Variants in THRB observed in about 807,000 individuals in gnomAD.
The protein encoded by THRB is nuclear receptor subfamily 1 group A member 2.
A neutral mutation model predicts 47.8 loss-of-function variants in THRB; 12 were observed. The ratio of observed to expected loss-of-function variants is 0.25; its 90% CI spans 0.16 to 0.41. The LOEUF (loss-of-function observed/expected upper bound fraction) is 0.41. Among genes scored for constraint, THRB ranks in the 10% least tolerant of loss-of-function variants. THRB has a pLI of 1.00. For missense variants in THRB, 348 were observed against 589.2 expected (o/e 0.59, Z 4.24); for synonymous variants, 218 against 212.2 (o/e 1.03, Z -0.24).
chr3:24,435,013 A>G (rs1481201052), intron 1 of THRB, among the ~76,000 whole-genome samples: 3 of 152,204 alleles, frequency 2.0e-5, no homozygotes, highest in African/African-American at 7.2e-5. Context: ...TGGTAGAGGT[A>G]TCCAGTATGT....
intron 5 of THRB, among the ~76,000 whole-genome samples, chr3:24,175,938 T>G (rs1467622212): frequency 2.0e-5 from 3 of 152,198 alleles, no homozygotes; most frequent in Non-Finnish European, 4.4e-5. Flanking sequence ...CAAGTTACTA[T>G]TCTAGAAATC....
intron 5 of THRB, among the ~76,000 whole-genome samples, chr3:24,172,174 C>T (rs1302396958): frequency 2.0e-5 from 3 of 152,110 alleles, no homozygotes; most frequent in Non-Finnish European, 2.9e-5. Context: ...AAAACCTAGT[C>T]ATCTGCTCTG....
At position 24,471,873 on chromosome 3, in the gene THRB, G is replaced by A. The variant is rs573224689; in HGVS notation, c.-261+22779C>T. On this transcript the variant is annotated intron_variant, in intron 1 of 10. Coordinates refer to ENST00000646209, the MANE Select transcript of THRB (RefSeq NM_001354712.2). The stretch of plus-strand genomic sequence containing the variant: ...AAGCCAGAAACAATCCTTATGAGTA[G>A]GGAAGCTATGGATATTCTTCTGAGG... Among the ~76,000 whole-genome samples the A allele has an allele frequency of 2.6e-5, 4 of 152,282 alleles. No homozygotes were observed. In the South Asian group the frequency reaches 6.2e-4, roughly 24 times the overall value.
At chr3:24,230,990 A>G (rs969538708) in intron 3 of THRB, among the ~76,000 whole-genome samples, 2 of 152,232 alleles carry the variant, frequency 1.3e-5, no homozygotes, top group African/African-American at 4.8e-5. Context: ...TGACATTCAC[A>G]GACAGCCTGA....
At chr3:24,407,634 G>C (rs889314239) in intron 1 of THRB, among the ~76,000 whole-genome samples, 1 of 151,794 alleles carries the variant, frequency 6.6e-6, no homozygotes, top group Non-Finnish European at 1.5e-5. Context: ...TATGAATCTA[G>C]ACCCTCTTAC....
chr3:24,481,080 T>C (rs554702056), intron 1 of THRB, among the ~76,000 whole-genome samples: 1 of 152,310 alleles, frequency 6.6e-6, no homozygotes, highest in South Asian at 2.1e-4. Flanking sequence ...TTAAGCAAGT[T>C]TCCTTACAAA....
upstream of THRB, chr3:24,495,682 A>G (rs900445166): frequency 1.2e-4 from 18 of 152,112 alleles, no homozygotes; most frequent in Non-Finnish European, 2.5e-4. Context: ...GTCTTCCAGG[A>G]GCACGTCTCG....
At chr3:24,451,002 T>A (rs1194920486) in intron 1 of THRB, among the ~76,000 whole-genome samples, 1 of 152,180 alleles carries the variant, frequency 6.6e-6, no homozygotes, top group Non-Finnish European at 1.5e-5. Flanking sequence ...GTAAATAATA[T>A]AACTTTTAAA....
chr3:24,413,746 G>A (rs1489714049), intron 1 of THRB, among the ~76,000 whole-genome samples: 1 of 151,648 alleles, frequency 6.6e-6, no homozygotes, highest in African/African-American at 2.4e-5. Flanking sequence ...GCCCCAGTGT[G>A]TGATGTTCCC....
intron 2 of THRB, among the ~76,000 whole-genome samples, chr3:24,336,994 C>T (rs572301815): frequency 1.3e-5 from 2 of 152,208 alleles, no homozygotes; most frequent in South Asian, 4.1e-4. Flanking sequence ...AAGGAAAAGA[C>T]ACATGGGAAA....
intron 3 of THRB, among the ~76,000 whole-genome samples, chr3:24,238,300 G>GGTGTATGT (rs2049121407): frequency 5.6e-5 from 7 of 125,764 alleles, no homozygotes; most frequent in Non-Finnish European, 1.2e-4. Context: ...GGGTGTGTGG[G>GGTGTATGT]GTGTGTGTGT....
chr3:24,450,253 C>A (rs2043581), intron 1 of THRB, among the ~76,000 whole-genome samples: 69,693 of 151,968 alleles, frequency 0.46, 18,578 homozygotes, highest in East Asian at 0.64. Context: ...TGTATTTATT[C>A]TTGGGAAATA....
At chr3:24,343,286 C>T (rs1336272303) in intron 1 of THRB, among the ~76,000 whole-genome samples, 1 of 151,982 alleles carries the variant, frequency 6.6e-6, no homozygotes, top group African/African-American at 2.4e-5. Flanking sequence ...GACCTCTGAC[C>T]CCATCAAAAC....
At chr3:24,330,462 C>G (rs1303386412) in intron 2 of THRB, among the ~76,000 whole-genome samples, 1 of 152,204 alleles carries the variant, frequency 6.6e-6, no homozygotes, top group Non-Finnish European at 1.5e-5. Flanking sequence ...CATGTACCCA[C>G]CATTCAGATC....
At chr3:24,314,792 A>C (rs2058003344) in intron 2 of THRB, among the ~76,000 whole-genome samples, 1 of 152,294 alleles carries the variant, frequency 6.6e-6, no homozygotes, top group African/African-American at 2.4e-5. Flanking sequence ...TGTCCCCTCA[A>C]GTATGGTACT....
Position 24,122,559 on chromosome 3 carries a change from A to G in THRB, c.*325T>C, listed in dbSNP as rs1396624520. The stretch of plus-strand genomic sequence containing the variant: ...GGCTTCTTTAGTGTCCTGTGGCGCC[A>G]TTTTGCTGACTCAAGTCTTGGACCA... On this transcript the variant is annotated 3_prime_UTR_variant, in exon 11 of 11. Coordinates refer to ENST00000646209, the MANE Select transcript of THRB (RefSeq NM_001354712.2). 1.5e-5 allele frequency: 6 copies of G among 402,264 alleles called. No individual in the cohort carries two copies. The East Asian group carries it at 3.3e-4, about 22-fold the overall frequency. 24.9% of individuals were successfully genotyped at this position (402,264 alleles called of 1,614,324 possible).
rs551204104 is a variant in THRB, at chr3:24,206,310, C to T, written c.23-15976G>A. On this transcript the variant is annotated intron_variant, in intron 4 of 10. Coordinates refer to ENST00000646209, the MANE Select transcript of THRB (RefSeq NM_001354712.2). Reference sequence around the variant, plus strand: ...AATCACAACAAACTGTCTCTCAGACCACAGTGCAATCAAATTAGAACTCAG... The same window carrying T: ...AATCACAACAAACTGTCTCTCAGACTACAGTGCAATCAAATTAGAACTCAG... 7.4e-3 allele frequency among the ~76,000 whole-genome samples: 1,131 copies of T among 152,238 alleles called. 10 individuals carry two copies. Among genetic ancestry groups the T allele is most frequent in the Middle Eastern group, 0.017 (5 of 294 alleles).
At chr3:24,486,399 C>T (rs1055239339) in intron 1 of THRB, 1 of 152,184 alleles carries the variant, frequency 6.6e-6, no homozygotes, top group Non-Finnish European at 1.5e-5. Context: ...TTGGCACTTA[C>T]CATCGTGTCT....
rs532293735 is a variant in THRB at position 24,380,544 on chromosome 3, A to G, written c.-260-43173T>C. On this transcript the variant is annotated intron_variant, in intron 1 of 10. Coordinates refer to ENST00000646209, the MANE Select transcript of THRB (RefSeq NM_001354712.2). The stretch of plus-strand genomic sequence containing the variant: ...CATTCACTTTTCACAACAGCCCTAA[A>G]TGCTTAACCATACTGCCCTATGAAC... Among the ~76,000 whole-genome samples the G allele has an allele frequency of 5.3e-5, 8 of 152,198 alleles. No individual in the cohort carries two copies. In the South Asian group the frequency reaches 1.7e-3, roughly 32 times the overall value.
Sources: gnomAD v4.1 joint callset for allele counts (sites outside exome capture counted in the v4.1 genomes callset) on GRCh38, gnomAD v4.1.1 for gene constraint, MANE v1.5 for transcripts, NCBI Gene and HGNC (gene_info 2026-07-23, HGNC 2026-07-21) for gene names.